Variants in GALNT13 observed in about 807,000 individuals in gnomAD.
GALNT13 encodes the protein UDP-GalNAc:polypeptide N-acetylgalactosaminyltransferase 13.
A neutral mutation model predicts 64.2 loss-of-function variants in GALNT13; 28 were observed. The observed-to-expected ratio is 0.44, with a 90% confidence interval of 0.32 to 0.60. The LOEUF is 0.60. Ranked by LOEUF, GALNT13 falls within the 20% of genes least tolerant of loss-of-function variation. GALNT13 has a pLI of 0.05. For missense variants in GALNT13, 577 were observed against 669.8 expected (o/e 0.86, Z 1.53); for synonymous variants, 214 against 224.6 (o/e 0.95, Z 0.42).
chr2:153,498,006 C>A, the GALNT13 span, among the ~76,000 whole-genome samples: 1 of 152,154 alleles, frequency 6.6e-6, no homozygotes, highest in Non-Finnish European at 1.5e-5. Context: ...TTTATTAGTA[C>A]AATGGCCAGA....
the GALNT13 span, among the ~76,000 whole-genome samples, chr2:153,341,903 G>T: frequency 6.6e-6 from 1 of 152,220 alleles, no homozygotes; most frequent in South Asian, 2.1e-4. Flanking sequence ...GGAGCACTTT[G>T]TTCAGGGTCT....
At chr2:153,103,587 C>G in the GALNT13 span, among the ~76,000 whole-genome samples, 3 of 152,224 alleles carry the variant, frequency 2.0e-5, no homozygotes, top group Non-Finnish European at 2.9e-5. Flanking sequence ...CTGGGATGTA[C>G]AGAGTGAATG....
At chr2:153,688,991 G>GATGT in the GALNT13 span, among the ~76,000 whole-genome samples, 1 of 130,156 alleles carries the variant, frequency 7.7e-6, no homozygotes. Flanking sequence ...TAGAGGTAGG[G>GATGT]GTGTGTGTGT....
At chr2:153,927,102 A>G (rs967505701) in intron 2 of GALNT13, among the ~76,000 whole-genome samples, 14 of 152,232 alleles carry the variant, frequency 9.2e-5, no homozygotes, top group Non-Finnish European at 2.1e-4. Flanking sequence ...TGGAGAAATT[A>G]CTAGTTCAAA....
chr2:153,278,137 G>A, the GALNT13 span, among the ~76,000 whole-genome samples: 1 of 151,730 alleles, frequency 6.6e-6, no homozygotes, highest in Non-Finnish European at 1.5e-5. Context: ...AGACCACCGT[G>A]TTAGCCAGGA....
chr2:154,446,664 A>AG, intron 12 of GALNT13: 1 of 1,548,796 alleles, frequency 6.5e-7, no homozygotes, highest in Non-Finnish European at 8.7e-7. Context: ...CTGTAATGAT[A>AG]GCACTTTGCA....
the GALNT13 span, among the ~76,000 whole-genome samples, chr2:153,280,241 A>G: frequency 1.3e-5 from 2 of 151,772 alleles, no homozygotes; most frequent in African/African-American, 4.8e-5. Context: ...AATTGTGCTT[A>G]TGTGGATCTC....
At chr2:153,945,862 C>T (rs1265815073) in intron 3 of GALNT13, among the ~76,000 whole-genome samples, 4 of 152,114 alleles carry the variant, frequency 2.6e-5, no homozygotes, top group African/African-American at 9.7e-5. Flanking sequence ...TGAATCGCTT[C>T]CTTGTCTTTT....
intron 4 of GALNT13, among the ~76,000 whole-genome samples, chr2:154,200,105 T>G (rs1368127003): frequency 6.6e-6 from 1 of 152,052 alleles, no homozygotes; most frequent in Non-Finnish European, 1.5e-5. Flanking sequence ...GCATTAAAGT[T>G]TCTACAAATT....
the GALNT13 span, among the ~76,000 whole-genome samples, chr2:153,288,516 C>G: frequency 6.6e-6 from 1 of 152,180 alleles, no homozygotes; most frequent in Non-Finnish European, 1.5e-5. Flanking sequence ...GGACATGAAT[C>G]AACCCTTTGC....
chr2:153,966,536 T>G (rs1693365061), intron 3 of GALNT13, among the ~76,000 whole-genome samples: 1 of 151,904 alleles, frequency 6.6e-6, no homozygotes, highest in Non-Finnish European at 1.5e-5. Context: ...TGGCTAATTT[T>G]TTTTTGTATT....
intron 3 of GALNT13, among the ~76,000 whole-genome samples, chr2:154,024,485 G>C (rs145731768): frequency 6.6e-6 from 1 of 151,776 alleles, no homozygotes; most frequent in Non-Finnish European, 1.5e-5. Flanking sequence ...TCATTGCATC[G>C]GCTCCTGAGG....
At chr2:154,149,535 G>A (rs888857426) in intron 4 of GALNT13, among the ~76,000 whole-genome samples, 2 of 152,050 alleles carry the variant, frequency 1.3e-5, no homozygotes, top group African/African-American at 4.8e-5. Flanking sequence ...CCATTTTCAT[G>A]GTATTGATTC....
chr2:153,854,177 C>A, the GALNT13 span, among the ~76,000 whole-genome samples: 2 of 151,788 alleles, frequency 1.3e-5, no homozygotes, highest in South Asian at 2.1e-4. Flanking sequence ...ATTAGAGATA[C>A]GTTGCTAGAT....
the GALNT13 span, among the ~76,000 whole-genome samples, chr2:153,487,946 T>C: frequency 6.6e-6 from 1 of 152,134 alleles, no homozygotes; most frequent in African/African-American, 2.4e-5. Flanking sequence ...AAAAGTCAGA[T>C]TTGCATTTTA....
At chr2:153,228,128 A>G in the GALNT13 span, among the ~76,000 whole-genome samples, 3 of 152,184 alleles carry the variant, frequency 2.0e-5, no homozygotes, top group Non-Finnish European at 1.5e-5. Flanking sequence ...GCAAAAGGAA[A>G]ACAGAAGTTA....
chr2:153,403,521 C>G, the GALNT13 span, among the ~76,000 whole-genome samples: 2 of 152,226 alleles, frequency 1.3e-5, no homozygotes, highest in Admixed American at 6.5e-5. Context: ...GCGCCCCTCC[C>G]CCAGCCTCCC....
the GALNT13 span, among the ~76,000 whole-genome samples, chr2:153,211,089 A>C: frequency 6.6e-5 from 10 of 152,160 alleles, no homozygotes; most frequent in African/African-American, 2.4e-4. Context: ...TTTAGAGATA[A>C]GAAATACATT....
chr2:154,450,579 G>A lies in GALNT13; in HGVS notation c.*28G>A, dbSNP rs745622393. ...ATCATGTCCTCCAAGCCATGAAAGT[G>A]TCTACGCTTTTGTTTTTCCATTATT... On this transcript the variant is annotated 3_prime_UTR_variant, in exon 13 of 13. Transcript: ENST00000392825. The A allele has an allele frequency of 2.6e-6, 4 of 1,522,254 alleles. No individual in the cohort carries two copies. The South Asian group carries it at 5.2e-5, about 20-fold the overall frequency. 94.3% of individuals were successfully genotyped at this position (1,522,254 alleles called of 1,614,324 possible). A position where few individuals can be genotyped will look rare whatever the true frequency, so the allele number is the denominator to read the frequency against.
Sources: gnomAD v4.1 joint callset for allele counts (sites outside exome capture counted in the v4.1 genomes callset) on GRCh38, gnomAD v4.1.1 for gene constraint, MANE v1.5 for transcripts, NCBI Gene and HGNC (gene_info 2026-07-23, HGNC 2026-07-21) for gene names.